The following STXBP5L variants were observed in gnomAD, a reference collection of about 807,000 sequenced individuals.
The protein encoded by STXBP5L is syntaxin binding protein 5L.
In STXBP5L, 65 loss-of-function variants were observed where a neutral mutation model predicts 144.5. The observed-to-expected ratio is 0.45, with a 90% CI of 0.37 to 0.55. The LOEUF is 0.55. Among genes scored for constraint, STXBP5L ranks in the 20% least tolerant of loss-of-function variants. STXBP5L has a pLI of 0.00. For synonymous variants in STXBP5L, 505 were observed against 469.6 expected, an observed-to-expected ratio of 1.08 and a Z score of -0.97; for missense variants, 1,298 against 1,405.5, an observed-to-expected ratio of 0.92 and a Z score of 1.22.
At chr3:121,351,344 C>G (rs1336900083) in intron 20 of STXBP5L, among the ~76,000 whole-genome samples, 4 of 152,210 alleles carry the variant, frequency 2.6e-5, no homozygotes, top group South Asian at 4.1e-4. Flanking sequence ...GAGTACCCGG[C>G]CGTGTCAGGT....
chr3:120,969,396 G>GTTTTTTTTTTT (rs57093267), intron 3 of STXBP5L, among the ~76,000 whole-genome samples: 2 of 131,322 alleles, frequency 1.5e-5, no homozygotes, highest in Non-Finnish European at 1.6e-5. Context: ...GATTATTTGT[G>GTTTTTTTTTTT]TTTTTTTTTT....
chr3:120,976,488 A>G (rs1941035723), intron 3 of STXBP5L, among the ~76,000 whole-genome samples: 2 of 152,166 alleles, frequency 1.3e-5, no homozygotes, highest in Non-Finnish European at 2.9e-5. Context: ...ATCATTTCAA[A>G]AAATCAGCTC....
chr3:121,019,464 A>C (rs919010157), intron 3 of STXBP5L, among the ~76,000 whole-genome samples: 1 of 152,120 alleles, frequency 6.6e-6, no homozygotes. Context: ...GCCAACCAAC[A>C]CAAAACCAAC....
chr3:121,181,101 G>C (rs2047129493), intron 9 of STXBP5L, among the ~76,000 whole-genome samples: 1 of 127,170 alleles, frequency 7.9e-6, no homozygotes, highest in African/African-American at 3.0e-5. Flanking sequence ...ACTCTGTCTT[G>C]AAAAGAAAAG....
At chr3:121,006,593 A>G (rs565776497) in intron 3 of STXBP5L, among the ~76,000 whole-genome samples, 3 of 152,168 alleles carry the variant, frequency 2.0e-5, no homozygotes, top group Non-Finnish European at 2.9e-5. Context: ...TCCTGTCATT[A>G]TGATGTTAGC....
rs577250239 is a variant in STXBP5L, at chr3:121,370,092, G to T, written c.2177-8624G>T. Among the ~76,000 whole-genome samples, 5 of 152,236 alleles carry T rather than the reference G, an allele frequency of 3.3e-5. No individual in the cohort carries two copies. In the South Asian group the frequency reaches 1.0e-3, roughly 32 times the overall value. Reference sequence around the variant, plus strand: ...GTTTAAAAGTGGGTAGTGGCTAGGCGCAGTGGCTCATGTTTGTAAATCCAG... The same window carrying T: ...GTTTAAAAGTGGGTAGTGGCTAGGCTCAGTGGCTCATGTTTGTAAATCCAG... On this transcript the variant is annotated intron_variant, in intron 20 of 26. Transcript: ENST00000471454.
chr3:121,223,745 A>G (rs2049039878), intron 11 of STXBP5L, among the ~76,000 whole-genome samples: 1 of 152,142 alleles, frequency 6.6e-6, no homozygotes, highest in Non-Finnish European at 1.5e-5. Context: ...TGTAAACATA[A>G]CAACTAGTCT....
intron 18 of STXBP5L, among the ~76,000 whole-genome samples, chr3:121,274,865 C>T (rs2050834265): frequency 6.6e-6 from 1 of 152,114 alleles, no homozygotes; most frequent in Non-Finnish European, 1.5e-5. Flanking sequence ...TATCAGAGGC[C>T]TGTCAGGTCA....
intron 3 of STXBP5L, among the ~76,000 whole-genome samples, chr3:120,985,590 C>A (rs1418035809): frequency 1.3e-5 from 2 of 151,604 alleles, no homozygotes; most frequent in African/African-American, 2.4e-5. Flanking sequence ...ACAACTGAGT[C>A]AATTTCTTTA....
chr3:120,928,128 G>C (rs1053338095), intron 2 of STXBP5L, among the ~76,000 whole-genome samples: 2 of 152,066 alleles, frequency 1.3e-5, no homozygotes, highest in Non-Finnish European at 2.9e-5. Context: ...AATGAGTTTT[G>C]ATAATTATAC....
At chr3:121,150,812 G>A (rs1392194648) in intron 7 of STXBP5L, among the ~76,000 whole-genome samples, 4 of 152,044 alleles carry the variant, frequency 2.6e-5, no homozygotes, top group Admixed American at 6.6e-5. Flanking sequence ...TATTGGCTGG[G>A]CATGGTGACT....
At chr3:121,082,110 TC>T (rs1413478027) in intron 5 of STXBP5L, among the ~76,000 whole-genome samples, 12 of 152,212 alleles carry the variant, frequency 7.9e-5, no homozygotes, top group African/African-American at 2.4e-4. Flanking sequence ...CCTATGGCTT[TC>T]TACCTAAATT....
rs1430865542 is a variant in STXBP5L, at chr3:121,275,233, A to G, written c.1959-4572A>G. Among the ~76,000 whole-genome samples the G allele has an allele frequency of 4.6e-5, 7 of 152,068 alleles. 1 individual carries two copies. Among genetic ancestry groups the G allele is most frequent in the Admixed American group, 4.6e-4 (7 of 15,264 alleles). On this transcript the variant is annotated intron_variant, in intron 18 of 26. Transcript: ENST00000471454. ...CAATTTGGGCTATTCTAGGTCTATT[A>G]TACTTCTCTATATATTTTACAATCA...
intron 9 of STXBP5L, among the ~76,000 whole-genome samples, chr3:121,180,782 G>A (rs572279783): frequency 3.3e-5 from 5 of 152,336 alleles, no homozygotes; most frequent in Admixed American, 1.3e-4. Context: ...GCTGAGGCAG[G>A]AGAATCACTT....
intron 20 of STXBP5L, among the ~76,000 whole-genome samples, chr3:121,346,345 C>G (rs928597790): frequency 1.3e-5 from 2 of 152,136 alleles, no homozygotes; most frequent in Non-Finnish European, 1.5e-5. Flanking sequence ...TTAATCCACT[C>G]TATCACTGAT....
At chr3:121,034,286 C>T (rs1319722032) in intron 3 of STXBP5L, among the ~76,000 whole-genome samples, 2 of 152,086 alleles carry the variant, frequency 1.3e-5, no homozygotes, top group Non-Finnish European at 2.9e-5. Flanking sequence ...CCCTCATCCT[C>T]CTCCTTCCCA....
intron 4 of STXBP5L, among the ~76,000 whole-genome samples, chr3:121,044,963 T>A (rs928779562): frequency 2.0e-5 from 3 of 152,166 alleles, no homozygotes; most frequent in Non-Finnish European, 4.4e-5. Context: ...CCAAATATAC[T>A]TTTTAGGAAG....
At chr3:121,260,188 T>C (rs1188756619) in intron 18 of STXBP5L, among the ~76,000 whole-genome samples, 1 of 152,104 alleles carries the variant, frequency 6.6e-6, no homozygotes, top group Non-Finnish European at 1.5e-5. Flanking sequence ...AATTTTTGTA[T>C]ATCTTAAGTG....
intron 20 of STXBP5L, among the ~76,000 whole-genome samples, chr3:121,346,963 C>G (rs1290499468): frequency 6.6e-6 from 1 of 152,144 alleles, no homozygotes; most frequent in Non-Finnish European, 1.5e-5. Context: ...TTAATTAGAT[C>G]CCATTTGTCA....
Sources: allele counts gnomAD v4.1 joint callset (sites outside exome capture counted in the v4.1 genomes callset), GRCh38; gene constraint gnomAD v4.1.1; transcripts MANE v1.5; gene names NCBI Gene and HGNC (gene_info 2026-07-23, HGNC 2026-07-21).